PDE4D: variants seen among roughly 807,000 people sequenced by gnomAD.
The protein encoded by PDE4D is 3',5'-cyclic-AMP phosphodiesterase 4D.
In PDE4D, 24 loss-of-function variants were observed where a neutral mutation model predicts 87.4. The ratio of observed to expected loss-of-function variants is 0.27; its 90% CI spans 0.20 to 0.39. The LOEUF (loss-of-function observed/expected upper bound fraction) is 0.39, where lower values mean the gene tolerates loss of function less well. Ranked by LOEUF, PDE4D falls within the 10% of genes least tolerant of loss-of-function variation. The probability of loss-of-function intolerance (pLI) is 1.00; values close to 1 mark genes in which losing one functional copy is unlikely to be tolerated. For synonymous variants in PDE4D, 384 were observed against 383.2 expected, an observed-to-expected ratio of 1.00 and a Z score of -0.02; for missense variants, 714 against 1,041.0, an observed-to-expected ratio of 0.69 and a Z score of 4.32.
At chr5:59,672,126 C>T (rs1747316916) in intron 1 of PDE4D, among the ~76,000 whole-genome samples, 2 of 152,268 alleles carry the variant, frequency 1.3e-5, no homozygotes, top group South Asian at 2.1e-4. Context: ...GGCAGAACCT[C>T]ATTTCTGCCA....
intron 5 of PDE4D, among the ~76,000 whole-genome samples, chr5:59,113,198 A>C (rs1772982916): frequency 6.6e-6 from 1 of 152,160 alleles, no homozygotes; most frequent in South Asian, 2.1e-4. Flanking sequence ...AGGCATCTTC[A>C]CTAGCAAGCC....
At chr5:60,049,639 T>C (rs1769828134) in intron 2 of PDE4D, among the ~76,000 whole-genome samples, 1 of 152,198 alleles carries the variant, frequency 6.6e-6, no homozygotes, top group Non-Finnish European at 1.5e-5. Flanking sequence ...GAGGTGTCAG[T>C]CTGCCCCTGC....
At chr5:59,921,598 T>C (rs1276841990) in intron 3 of PDE4D, among the ~76,000 whole-genome samples, 1 of 152,222 alleles carries the variant, frequency 6.6e-6, no homozygotes, top group Non-Finnish European at 1.5e-5. Flanking sequence ...GGTTGCTGGT[T>C]AAATACTGTA....
At position 59,753,381 on chromosome 5, in the gene PDE4D, T is replaced by C. The variant is rs575330240; in HGVS notation, c.455+139787A>G. ...TCAAATATGATTTTTTCTGGTTTTT[T>C]GGGAAGATAATGGCCAGATAAACAG... is the stretch of plus-strand genomic sequence containing the variant. On this transcript the variant is annotated intron_variant, in intron 1 of 14. Transcript: ENST00000340635. Among the ~76,000 whole-genome samples the C allele has an allele frequency of 3.2e-4, 48 of 152,242 alleles. No individual in the cohort carries two copies. In the South Asian group the frequency reaches 9.3e-3, roughly 30 times the overall value.
intron 1 of PDE4D, among the ~76,000 whole-genome samples, chr5:59,290,648 C>G (rs192601337): frequency 3.3e-5 from 5 of 152,092 alleles, no homozygotes; most frequent in African/African-American, 1.2e-4. Context: ...GAAGAGACAA[C>G]CCACATAATG....
intron 1 of PDE4D, among the ~76,000 whole-genome samples, chr5:60,356,204 T>C (rs1583509877): frequency 6.6e-6 from 1 of 152,134 alleles, no homozygotes; most frequent in Non-Finnish European, 1.5e-5. Context: ...ACTTCAGCAT[T>C]ACATTCCCAT....
chr5:59,089,034 A>G (rs1031140196), intron 5 of PDE4D, among the ~76,000 whole-genome samples: 9 of 152,156 alleles, frequency 5.9e-5, no homozygotes, highest in Non-Finnish European at 1.0e-4. Flanking sequence ...AGTTCAATAC[A>G]TATTTGTGGA....
chr5:60,219,316 T>C (rs1279335024), intron 1 of PDE4D, among the ~76,000 whole-genome samples: 4 of 152,128 alleles, frequency 2.6e-5, no homozygotes, highest in Non-Finnish European at 5.9e-5. Context: ...TCAATTTGTT[T>C]TGAGAAGTGA....
At chr5:60,105,760 C>A (rs2149343101) in intron 2 of PDE4D, among the ~76,000 whole-genome samples, 1 of 152,198 alleles carries the variant, frequency 6.6e-6, no homozygotes, top group Admixed American at 6.5e-5. Flanking sequence ...TCCAGCCAAA[C>A]TAAGCTTCAT....
At chr5:59,357,047 C>T in intron 1 of PDE4D, 1 of 501,124 alleles carries the variant, frequency 2.0e-6, no homozygotes, top group Non-Finnish European at 3.3e-6. Context: ...CTTCCTGCTG[C>T]ATGACACTTG....
rs561858963 is a variant in PDE4D, at chr5:59,153,112, T to C, written c.808+27483A>G. ...AATCCCCCACCACCTCTCTCGACAT[T>C]CATCACAACAACTCTCTGTGCACCT... On this transcript the variant is annotated intron_variant, in intron 5 of 14. Transcript: ENST00000340635. Among the ~76,000 whole-genome samples, 18 of 152,160 alleles carry C rather than the reference T, an allele frequency of 1.2e-4. No individual in the cohort carries two copies. The East Asian group carries it at 1.4e-3, about 11-fold the overall frequency.
chr5:60,194,375 A>G (rs1740960286), intron 1 of PDE4D, among the ~76,000 whole-genome samples: 1 of 151,636 alleles, frequency 6.6e-6, no homozygotes, highest in East Asian at 1.9e-4. Context: ...TGGTTCTCCA[A>G]CTGACTGCTC....
chr5:60,484,871 C>A (rs898115572), intron 1 of PDE4D, among the ~76,000 whole-genome samples: 1 of 152,184 alleles, frequency 6.6e-6, no homozygotes, highest in Non-Finnish European at 1.5e-5. Context: ...GTTCTTTTGA[C>A]AAGCACTTTC....
At chr5:59,633,071 A>T (rs1446500026) in intron 1 of PDE4D, among the ~76,000 whole-genome samples, 1 of 152,194 alleles carries the variant, frequency 6.6e-6, no homozygotes, top group East Asian at 1.9e-4. Context: ...AAAACACAGC[A>T]CGAGAACATC....
chr5:59,015,836 G>A (rs1444494366), intron 6 of PDE4D, among the ~76,000 whole-genome samples: 1 of 152,140 alleles, frequency 6.6e-6, no homozygotes, highest in Non-Finnish European at 1.5e-5. Context: ...TATGTTTACT[G>A]CAGCACTATT....
chr5:59,825,219 A>C (rs912930628), intron 1 of PDE4D, among the ~76,000 whole-genome samples: 9 of 152,306 alleles, frequency 5.9e-5, no homozygotes, highest in African/African-American at 1.7e-4. Context: ...AAAAGCATCC[A>C]ATAAAAATAA....
chr5:60,337,006 A>G (rs1757808161), intron 1 of PDE4D, among the ~76,000 whole-genome samples: 1 of 151,994 alleles, frequency 6.6e-6, no homozygotes, highest in East Asian at 1.9e-4. Flanking sequence ...AAGTTGTAGA[A>G]CTATGATAAC....
intron 2 of PDE4D, among the ~76,000 whole-genome samples, chr5:60,010,559 G>C (rs1406130480): frequency 6.6e-6 from 1 of 152,096 alleles, no homozygotes; most frequent in East Asian, 1.9e-4. Flanking sequence ...CATGACATCT[G>C]TGTACCCCTC....
At chr5:59,138,240 A>G (rs2153454132) in intron 5 of PDE4D, among the ~76,000 whole-genome samples, 1 of 152,282 alleles carries the variant, frequency 6.6e-6, no homozygotes, top group Non-Finnish European at 1.5e-5. Flanking sequence ...CACAGTAACC[A>G]TTTACTGAAG....
Sources: gnomAD v4.1 joint callset for allele counts (sites outside exome capture counted in the v4.1 genomes callset) on GRCh38, gnomAD v4.1.1 for gene constraint, MANE v1.5 for transcripts, NCBI Gene and HGNC (gene_info 2026-07-23, HGNC 2026-07-21) for gene names.